CUX1: variants seen among roughly 807,000 people sequenced by gnomAD.
The protein encoded by CUX1 is protein CASP.
In CUX1, 31 loss-of-function variants were observed where a neutral mutation model predicts 158.8. The ratio of observed to expected loss-of-function variants is 0.20; its 90% CI spans 0.15 to 0.26. The LOEUF (loss-of-function observed/expected upper bound fraction) is 0.26, where lower values mean the gene tolerates loss of function less well. Among genes scored for constraint, CUX1 ranks in the 10% least tolerant of loss-of-function variants. The pLI, the probability that CUX1 is intolerant of heterozygous loss-of-function variation, is 1.00. For missense variants in CUX1, 1,589 were observed against 2,014.6 expected, an observed-to-expected ratio of 0.79 and a Z score of 4.04; for synonymous variants, 879 against 862.1, an observed-to-expected ratio of 1.02 and a Z score of -0.34.
intron 22 of CUX1, among the ~76,000 whole-genome samples, chr7:102,236,302 C>T (rs79353183): frequency 1.9e-3 from 296 of 152,378 alleles, no homozygotes; most frequent in African/African-American, 6.8e-3. Flanking sequence ...GCCCCTCTAG[C>T]GAGCTCTGGC....
chr7:101,906,512 G>T (rs1802774222), intron 1 of CUX1, among the ~76,000 whole-genome samples: 1 of 152,008 alleles, frequency 6.6e-6, no homozygotes. Context: ...GTTCTGGGGA[G>T]CCCTGGGTGG....
In CUX1 at chr7:102,250,873, T is replaced by C. The variant is rs1801440243; in HGVS notation, c.*1831T>C. On this transcript the variant is annotated 3_prime_UTR_variant, in exon 24 of 24. Coordinates refer to ENST00000292535, the MANE Select transcript of CUX1 (RefSeq NM_181552.4). Reference sequence around the variant, plus strand: ...AGTGCATTACTGCCACCTTTTTCAATAAGCTGTTTTATCAGTTACGGCTTC... The same window carrying C: ...AGTGCATTACTGCCACCTTTTTCAACAAGCTGTTTTATCAGTTACGGCTTC... 1 of 985,326 alleles carries C rather than the reference T, an allele frequency of 1.0e-6. No individual in the cohort carries two copies. The highest frequency in any genetic ancestry group is 1.7e-5 in the African/African-American group (1 of 57,246). 61.0% of individuals were successfully genotyped at this position (985,326 alleles called of 1,614,324 possible).
intron 2 of CUX1, among the ~76,000 whole-genome samples, chr7:101,973,165 G>A (rs770077990): frequency 1.5e-4 from 23 of 152,140 alleles, no homozygotes; most frequent in Non-Finnish European, 3.2e-4. Flanking sequence ...GGTTTCAGCA[G>A]AGCCAGGCCT....
chr7:101,921,756 C>A (rs1804970695), intron 2 of CUX1, among the ~76,000 whole-genome samples: 1 of 152,156 alleles, frequency 6.6e-6, no homozygotes, highest in Non-Finnish European at 1.5e-5. Context: ...CACACCCGGC[C>A]TTAGCTCGGG....
At chr7:102,031,996 G>A (rs1317082856) in intron 3 of CUX1, among the ~76,000 whole-genome samples, 1 of 151,634 alleles carries the variant, frequency 6.6e-6, no homozygotes, top group Admixed American at 6.6e-5. Context: ...CATGATCTCG[G>A]CTCACTGCAA....
At chr7:102,056,864 C>A (rs533944160) in intron 3 of CUX1, among the ~76,000 whole-genome samples, 1 of 143,646 alleles carries the variant, frequency 7.0e-6, no homozygotes, top group East Asian at 2.2e-4. Context: ...CCACCACACT[C>A]GGCTGATAAA....
At chr7:102,236,646 AG>A (rs1358408981) in intron 22 of CUX1, among the ~76,000 whole-genome samples, 2 of 152,100 alleles carry the variant, frequency 1.3e-5, no homozygotes, top group Non-Finnish European at 2.9e-5. Flanking sequence ...TGAACCCAAT[AG>A]ATCTGTGCAG....
At chr7:102,118,862 C>T (rs1831718472) in intron 8 of CUX1, among the ~76,000 whole-genome samples, 1 of 152,192 alleles carries the variant, frequency 6.6e-6, no homozygotes, top group Non-Finnish European at 1.5e-5. Context: ...AGCGATTCTC[C>T]TGCCTCAGCC....
chr7:101,919,288 C>A (rs563464241), intron 2 of CUX1, among the ~76,000 whole-genome samples: 5 of 152,188 alleles, frequency 3.3e-5, no homozygotes, highest in African/African-American at 1.2e-4. Context: ...GCCTGTGTCC[C>A]AAGGGGACAC....
intron 1 of CUX1, among the ~76,000 whole-genome samples, chr7:101,907,969 A>AC (rs1438730317): frequency 1.3e-5 from 2 of 152,110 alleles, no homozygotes; most frequent in Non-Finnish European, 2.9e-5. Flanking sequence ...AGAAAAAAAA[A>AC]ACCATCGTTT....
chr7:102,052,458 G>C (rs781279709), intron 3 of CUX1, among the ~76,000 whole-genome samples: 1 of 152,136 alleles, frequency 6.6e-6, no homozygotes, highest in Non-Finnish European at 1.5e-5. Flanking sequence ...GCATATACCA[G>C]TACTTGCTTT....
intron 2 of CUX1, among the ~76,000 whole-genome samples, chr7:101,950,440 CACATA>C (rs772078088): frequency 5.3e-4 from 80 of 152,084 alleles, no homozygotes; most frequent in Admixed American, 2.3e-3. Flanking sequence ...TAGTAAAATA[CACATA>C]ACATAAAATT....
At chr7:102,003,334 A>ACACACACACACACCCGCC (rs1469103474) in intron 2 of CUX1, among the ~76,000 whole-genome samples, 1 of 146,658 alleles carries the variant, frequency 6.8e-6, no homozygotes, top group Admixed American at 6.8e-5. Context: ...ACACACACAC[A>ACACACACACACACCCGCC]CGCCCGCCCC....
At chr7:102,144,379 C>T (rs1834802848) in intron 8 of CUX1, among the ~76,000 whole-genome samples, 1 of 152,140 alleles carries the variant, frequency 6.6e-6, no homozygotes, top group Admixed American at 6.6e-5. Flanking sequence ...ATCTCCCGTT[C>T]ATGGCCCATC....
At chr7:101,986,446 G>A (rs1455338847) in intron 2 of CUX1, among the ~76,000 whole-genome samples, 3 of 152,192 alleles carry the variant, frequency 2.0e-5, no homozygotes, top group Non-Finnish European at 4.4e-5. Flanking sequence ...TTCGTCTCAT[G>A]ACTCACTTAA....
At chr7:102,009,640 C>T (rs556850617) in intron 2 of CUX1, among the ~76,000 whole-genome samples, 2 of 152,356 alleles carry the variant, frequency 1.3e-5, no homozygotes, top group South Asian at 2.1e-4. Context: ...TTCAGGCCCA[C>T]GCCAGGTCTT....
intron 2 of CUX1, among the ~76,000 whole-genome samples, chr7:102,011,773 C>T (rs1818059206): frequency 6.6e-6 from 1 of 152,202 alleles, no homozygotes; most frequent in South Asian, 2.1e-4. Context: ...ACACCCCTCT[C>T]ATTTTCGGCA....
In CUX1 at chr7:102,256,423, C is replaced by T; in HGVS notation, c.*7381C>T. ...GTTTTGTTGTCATAAATGCTTTTTG[C>T]TGTCACTCTAGTGGTTACTATCCTC... On this transcript the variant is annotated 3_prime_UTR_variant, in exon 24 of 24. Coordinates refer to ENST00000292535, the MANE Select transcript of CUX1 (RefSeq NM_181552.4). 1.0e-6 allele frequency: 1 copy of T among 985,250 alleles called. No homozygotes were observed. The highest frequency in any genetic ancestry group is 1.2e-6 in the Non-Finnish European group (1 of 829,886). 61.0% of individuals were successfully genotyped at this position (985,250 alleles called of 1,614,324 possible).
In CUX1 at chr7:102,119,761, G is replaced by A. The variant is rs143277190; in HGVS notation, c.674+4488G>A. 1.0e-3 allele frequency among the ~76,000 whole-genome samples: 153 copies of A among 152,072 alleles called. No individual in the cohort carries two copies. In the Middle Eastern group the frequency reaches 0.01, roughly 10 times the overall value. ...AGGGTCTCACTGTGTTGCCCAGAGT[G>A]GTCTCAAACTCCTGGCCTCAGGTGA... On this transcript the variant is annotated intron_variant, in intron 8 of 23. Coordinates refer to ENST00000292535, the MANE Select transcript of CUX1 (RefSeq NM_181552.4).
Sources: allele counts gnomAD v4.1 joint callset (sites outside exome capture counted in the v4.1 genomes callset), GRCh38; gene constraint gnomAD v4.1.1; transcripts MANE v1.5; gene names NCBI Gene and HGNC (gene_info 2026-07-23, HGNC 2026-07-21).